Variants in STEAP4 observed in about 807,000 individuals in gnomAD.
STEAP4 encodes the protein metalloreductase STEAP4.
A neutral mutation model predicts 43.6 loss-of-function variants in STEAP4; 36 were observed. The observed-to-expected ratio is 0.83, with a 90% CI of 0.63 to 1.09. The LOEUF (loss-of-function observed/expected upper bound fraction) is 1.09. Among genes scored for constraint, STEAP4 ranks in the 50% least tolerant of loss-of-function variants. The pLI is 0.00. For synonymous variants in STEAP4, 191 were observed against 196.7 expected, an observed-to-expected ratio of 0.97 and a Z score of 0.24; for missense variants, 495 against 546.5, an observed-to-expected ratio of 0.91 and a Z score of 0.94.
Position 88,271,152 on chromosome 7 carries a change from T to G in STEAP4, c.*8246A>C, listed in dbSNP as rs1852434165. 1 of 152,192 alleles carries G rather than the reference T, an allele frequency of 6.6e-6. No homozygotes were observed. Among genetic ancestry groups the G allele is most frequent in the South Asian group, 2.1e-4 (1 of 4,832 alleles). The allele number at this position is 152,192 out of a possible 1,614,324, so 9.4% of individuals were successfully genotyped here. A position where few individuals can be genotyped will look rare whatever the true frequency, so the allele number is the denominator to read the frequency against. ...ATAGAACACTACAACTTAATCTTCC[T>G]ATCTAGCTGTAATTTTGTATCTTTT... is the stretch of plus-strand genomic sequence containing the variant. On this transcript the variant is annotated 3_prime_UTR_variant, in exon 5 of 5. Coordinates refer to ENST00000380079, the MANE Select transcript of STEAP4 (RefSeq NM_024636.4).
chr7:88,289,211 C>A lies in STEAP4; in HGVS notation c.-2-4940G>T, dbSNP rs561077204. Among the ~76,000 whole-genome samples the A allele has an allele frequency of 1.6e-4, 25 of 151,776 alleles. No individual in the cohort carries two copies. The South Asian group carries it at 3.5e-3, about 21-fold the overall frequency. Reference sequence around the variant, plus strand: ...ATATTAAAAGGGTGGGATGAAGGGGCTGGAAGTACAAAAGTTTACTCTGTG... The same window carrying A: ...ATATTAAAAGGGTGGGATGAAGGGGATGGAAGTACAAAAGTTTACTCTGTG... On this transcript the variant is annotated intron_variant, in intron 1 of 4. Transcript: ENST00000380079.
chr7:88,298,880 A>AC (rs1343891401), intron 1 of STEAP4, among the ~76,000 whole-genome samples: 1 of 152,182 alleles, frequency 6.6e-6, no homozygotes, highest in Non-Finnish European at 1.5e-5. Flanking sequence ...GAATTTGCTG[A>AC]TTATTTTTTA....
At chr7:88,294,594 T>C (rs1042338082) in intron 1 of STEAP4, among the ~76,000 whole-genome samples, 1 of 152,108 alleles carries the variant, frequency 6.6e-6, no homozygotes, top group Non-Finnish European at 1.5e-5. Flanking sequence ...AATGGTCCCT[T>C]TGTCCCTCCC....
At position 88,278,354 on chromosome 7, in the gene STEAP4, A is replaced by G. The variant is rs1027265136; in HGVS notation, c.*1044T>C. The G allele has an allele frequency of 6.6e-6, 1 of 152,230 alleles. No homozygotes were observed. The highest frequency in any genetic ancestry group is 2.4e-5 in the African/African-American group (1 of 41,472). 9.4% of individuals were successfully genotyped at this position (152,230 alleles called of 1,614,324 possible). A position where few individuals can be genotyped will look rare whatever the true frequency, so the allele number is the denominator to read the frequency against. On this transcript the variant is annotated 3_prime_UTR_variant, in exon 5 of 5. Transcript: ENST00000380079. ...TTCCGTAATTTTCGATCATCTATGC[A>G]TTGTTCAAATTTATACCTGCAGACT...
chr7:88,289,046 T>C (rs1181496944), intron 1 of STEAP4, among the ~76,000 whole-genome samples: 2 of 151,696 alleles, frequency 1.3e-5, no homozygotes, highest in South Asian at 4.2e-4. Flanking sequence ...TTATTTTTTT[T>C]GGTGCATGCA....
rs374838581 is a variant in STEAP4, at chr7:88,291,240, T to C, written c.-2-6969A>G. On this transcript the variant is annotated intron_variant, in intron 1 of 4. Coordinates refer to ENST00000380079, the MANE Select transcript of STEAP4 (RefSeq NM_024636.4). Reference sequence around the variant, plus strand: ...CACTTATTTCTTATAAATAAAACTCTATATAAAATGGCGTTTGAGGATCAC... The same window carrying C: ...CACTTATTTCTTATAAATAAAACTCCATATAAAATGGCGTTTGAGGATCAC... 1.1e-4 allele frequency among the ~76,000 whole-genome samples: 17 copies of C among 152,130 alleles called. No individual in the cohort carries two copies. In the East Asian group the frequency reaches 3.1e-3, roughly 28 times the overall value.
At chr7:88,280,540 G>A (rs965848238) in intron 4 of STEAP4, among the ~76,000 whole-genome samples, 8 of 152,290 alleles carry the variant, frequency 5.3e-5, no homozygotes, top group Middle Eastern at 3.4e-3. Context: ...TAAGTCTTCC[G>A]GTGTGATGAC....
At position 88,284,291 on chromosome 7, in the gene STEAP4, A is replaced by AT; in HGVS notation, c.-2-21dup. On this transcript the variant is annotated intron_variant, in intron 1 of 4. Transcript: ENST00000380079. ...CCATAACTGAAAAATAATAACACAA[A>AT]TGCCCAACAAAATATAAATGCTCTG... 6.7e-7 allele frequency: 1 copy of AT among 1,483,364 alleles called. No individual in the cohort carries two copies. The highest frequency in any genetic ancestry group is 9.1e-7 in the Non-Finnish European group (1 of 1,101,000). The allele number at this position is 1,483,364 out of a possible 1,614,324, so 91.9% of individuals were successfully genotyped here.
At chr7:88,299,960 T>C (rs751652437) in intron 1 of STEAP4, among the ~76,000 whole-genome samples, 4 of 152,182 alleles carry the variant, frequency 2.6e-5, no homozygotes, top group Non-Finnish European at 5.9e-5. Context: ...GGGTAACTTC[T>C]AATACGGCAC....
At chr7:88,295,864 A>G (rs1339013033) in intron 1 of STEAP4, among the ~76,000 whole-genome samples, 4 of 152,178 alleles carry the variant, frequency 2.6e-5, no homozygotes, top group Admixed American at 2.6e-4. Flanking sequence ...GAGGAAGAAC[A>G]GGATGTTAAG....
In STEAP4 at chr7:88,280,942, G is replaced by T; in HGVS notation, c.1122C>A (p.Val374=). The T allele has an allele frequency of 6.2e-7, 1 of 1,610,940 alleles. No individual in the cohort carries two copies. Among genetic ancestry groups the T allele is most frequent in the South Asian group, 1.1e-5 (1 of 90,506 alleles). The change falls in exon 4 of 5, where the codon GTC becomes GTA. Residue 374 remains valine (V), a synonymous_variant. Coordinates refer to ENST00000380079, the MANE Select transcript of STEAP4 (RefSeq NM_024636.4). Reference sequence around the variant, plus strand: ...GGACAAATCGGAACTCTCTCCAGTTGACTGCATTGCTAACAGATGGCAAAG... The same window carrying T: ...GGACAAATCGGAACTCTCTCCAGTTTACTGCATTGCTAACAGATGGCAAAG... ...ITSLPSVSNA[V]NWREFRFVQS...
At chr7:88,292,758 GGTCATTTT>G (rs1449264175) in intron 1 of STEAP4, 1 of 152,066 alleles carries the variant, frequency 6.6e-6, no homozygotes, top group African/African-American at 2.4e-5. Context: ...ACTACAATTT[GGTCATTTT>G]GAGAATGAAT....
rs1255195760 is a variant in STEAP4 at position 88,277,160 on chromosome 7, C to T, written c.*2238G>A. The T allele has an allele frequency of 6.6e-6, 1 of 152,160 alleles. No homozygotes were observed. The highest frequency in any genetic ancestry group is 1.5e-5 in the Non-Finnish European group (1 of 68,044). 9.4% of individuals were successfully genotyped at this position (152,160 alleles called of 1,614,324 possible). ...AGCCCCAGCACACCTAACTGTTTTG[C>T]ATAACATAGGTGAGTAGTGACATTT... On this transcript the variant is annotated 3_prime_UTR_variant, in exon 5 of 5. Coordinates refer to ENST00000380079, the MANE Select transcript of STEAP4 (RefSeq NM_024636.4).
At chr7:88,287,025 C>T (rs1276931905) in intron 1 of STEAP4, among the ~76,000 whole-genome samples, 2 of 151,966 alleles carry the variant, frequency 1.3e-5, no homozygotes, top group Non-Finnish European at 2.9e-5. Context: ...AGACAGACAC[C>T]CTGGGAGGTT....
At chr7:88,290,602 A>C (rs552168813) in intron 1 of STEAP4, among the ~76,000 whole-genome samples, 4 of 152,134 alleles carry the variant, frequency 2.6e-5, no homozygotes, top group African/African-American at 7.2e-5. Flanking sequence ...TCTTTCAAAA[A>C]AATTTCTAAG....
Position 88,283,113 on chromosome 7 carries a change from C to T in STEAP4, c.512G>A (p.Arg171His), listed in dbSNP as rs752454561. 2.1e-5 allele frequency: 34 copies of T among 1,596,846 alleles called. 1 individual carries two copies. The highest frequency in any genetic ancestry group is 3.3e-4 in the Middle Eastern group (2 of 5,978). The change falls in exon 3 of 5, where the codon CGT (arginine) becomes CAT (histidine). Residue 171 changes from arginine to histidine, a missense_variant. Physicochemically the swap from Arg to His is conservative, Grantham distance 29. Transcript: ENST00000380079. ...ATCCATTGGAGTAAGTCCAAGATTACGAACAATATCCATCACTCTTTGCTT... is the reference window on the plus strand; with the variant it reads ...ATCCATTGGAGTAAGTCCAAGATTATGAACAATATCCATCACTCTTTGCTT... ...KAKQRVMDIV[R>H]NLGLTPMDQG...
intron 4 of STEAP4, among the ~76,000 whole-genome samples, chr7:88,280,424 G>A (rs1479174330): frequency 6.6e-6 from 1 of 152,154 alleles, no homozygotes; most frequent in East Asian, 1.9e-4. Context: ...CATATTTTGA[G>A]GACCACTGGT....
chr7:88,302,516 C>T (rs1853052627), intron 1 of STEAP4, among the ~76,000 whole-genome samples: 1 of 152,186 alleles, frequency 6.6e-6, no homozygotes, highest in South Asian at 2.1e-4. Flanking sequence ...TGTTTTCACA[C>T]CCTGTAAAAA....
At chr7:88,287,261 CAG>C (rs373363965) in intron 1 of STEAP4, among the ~76,000 whole-genome samples, 49 of 152,202 alleles carry the variant, frequency 3.2e-4, no homozygotes, top group African/African-American at 9.6e-4. Context: ...CAGAGAGTGC[CAG>C]AGTCAGCCCC....
Sources: gnomAD v4.1 joint callset for allele counts (sites outside exome capture counted in the v4.1 genomes callset) on GRCh38, gnomAD v4.1.1 for gene constraint, MANE v1.5 for transcripts, NCBI Gene and HGNC (gene_info 2026-07-23, HGNC 2026-07-21) for gene names.